Variants in ANG observed in about 807,000 individuals in gnomAD.
The protein encoded by ANG is Homo sapiens epididymis luminal protein 168.
For synonymous variants in ANG, 74 were observed against 73.8 expected, an observed-to-expected ratio of 1.00 and a Z score of -0.02; for missense variants, 178 against 187.4, an observed-to-expected ratio of 0.95 and a Z score of 0.29.
At chr14:20,689,792 T>G (rs1461762044) in intron 1 of ANG, among the ~76,000 whole-genome samples, 1 of 151,526 alleles carries the variant, frequency 6.6e-6, no homozygotes, top group Non-Finnish European at 1.5e-5. Context: ...GGTGGCCGCC[T>G]GTAATCCCAG....
At chr14:20,689,915 C>CAA (rs58958050) in intron 1 of ANG, among the ~76,000 whole-genome samples, 1,838 of 121,504 alleles carry the variant, frequency 0.015, 21 homozygotes, top group South Asian at 0.058. Flanking sequence ...GACTCTGTCT[C>CAA]AAAAAAAAAA....
upstream of ANG, among the ~76,000 whole-genome samples, chr14:20,686,847 C>T (rs563697133): frequency 6.6e-6 from 1 of 152,266 alleles, no homozygotes; most frequent in Non-Finnish European, 1.5e-5. Flanking sequence ...CCATTCTTCC[C>T]ATCATCTAAT....
chr14:20,691,887 C>G (rs1412071683), intron 1 of ANG, among the ~76,000 whole-genome samples: 4 of 152,326 alleles, frequency 2.6e-5, no homozygotes, highest in African/African-American at 9.6e-5. Flanking sequence ...CTGTGTCTTT[C>G]TAGATCCACA....
At chr14:20,685,932 C>T (rs779232961), upstream of ANG, among the ~76,000 whole-genome samples, 2 of 151,408 alleles carry the variant, frequency 1.3e-5, no homozygotes, top group Non-Finnish European at 2.9e-5. Flanking sequence ...CCCAGCTACT[C>T]GGGAGGCTGA....
intron 1 of ANG, among the ~76,000 whole-genome samples, chr14:20,692,605 ACT>A (rs2139018373): frequency 6.6e-6 from 1 of 152,308 alleles, no homozygotes; most frequent in East Asian, 1.9e-4. Context: ...TGAGAATCTA[ACT>A]AATGCTTGAT....
chr14:20,689,095 G>C (rs1348562459), intron 1 of ANG, among the ~76,000 whole-genome samples: 1 of 152,120 alleles, frequency 6.6e-6, no homozygotes, highest in Non-Finnish European at 1.5e-5. Context: ...AGTTTAGGAG[G>C]GATTTCTAAA....
intron 1 of ANG, among the ~76,000 whole-genome samples, chr14:20,691,127 C>G (rs968453713): frequency 6.6e-6 from 1 of 152,180 alleles, no homozygotes; most frequent in South Asian, 2.1e-4. Flanking sequence ...CAGCAATATC[C>G]CCACAAGTTA....
upstream of ANG, chr14:20,688,666 A>G (rs1014714044): frequency 6.1e-6 from 6 of 984,878 alleles, no homozygotes; most frequent in African/African-American, 7.0e-5. Context: ...GAAAAGGTGA[A>G]TGACCCTCCT....
At chr14:20,687,292 C>T (rs768214158), upstream of ANG, among the ~76,000 whole-genome samples, 3 of 152,154 alleles carry the variant, frequency 2.0e-5, no homozygotes, top group East Asian at 1.9e-4. Flanking sequence ...TGTCTTTTTG[C>T]ATTGTGGGCA....
intron 1 of ANG, 84 bp downstream of exon 1, chr14:20,688,958 TC>T: frequency 1.5e-6 from 1 of 672,900 alleles, no homozygotes; most frequent in Non-Finnish European, 1.8e-6. Context: ...CTTTAAAGCC[TC>T]CAGGCTCAAG....
upstream of ANG, among the ~76,000 whole-genome samples, chr14:20,685,943 G>A (rs971283464): frequency 6.6e-6 from 1 of 151,718 alleles, no homozygotes; most frequent in Non-Finnish European, 1.5e-5. Context: ...GGGAGGCTGA[G>A]ACAGGAGACT....
At chr14:20,686,902 TGAA>T (rs1184149098), upstream of ANG, among the ~76,000 whole-genome samples, 1 of 152,212 alleles carries the variant, frequency 6.6e-6, no homozygotes, top group Non-Finnish European at 1.5e-5. Context: ...ATACTCTGTA[TGAA>T]GGAGGAAAGT....
Position 20,693,902 on chromosome 14 carries a change from G to A in ANG, c.338G>A (p.Trp113Ter), listed in dbSNP as rs1555346395. Residue 113 changes from tryptophan to a stop codon, truncating the protein, a stop_gained, in exon 2 of 2, where the codon TGG (tryptophan) becomes TAG (stop). Transcript: ENST00000397990. LOFTEE classifies it low-confidence loss of function (END_TRUNC). Reference protein sequence around the residue: ...TTCKLHGGSPWPPCQYRATAG... With the variant: ...TTCKLHGGSP ...TGCAAGCTACATGGAGGTTCCCCCT[G>A]GCCTCCATGCCAGTACCGAGCCACA... 2 of 1,614,134 alleles carry A rather than the reference G, an allele frequency of 1.2e-6. No individual in the cohort carries two copies. The highest frequency in any genetic ancestry group is 1.7e-6 in the Non-Finnish European group (2 of 1,180,018).
Position 20,693,712 on chromosome 14 carries a change from T to C in ANG, c.148T>C (p.Cys50Arg). The stretch of plus-strand genomic sequence containing the variant: ...ACCACAGGGCCGGGATGACAGATAC[T>C]GTGAAAGCATCATGAGGAGACGGGG... Reference protein sequence around the residue: ...AKPQGRDDRYCESIMRRRGLT... With the variant: ...AKPQGRDDRYRESIMRRRGLT... The change falls in exon 2 of 2, where the codon TGT (cysteine) becomes CGT (arginine). Residue 50 changes from cysteine to arginine, a missense_variant. Coordinates refer to ENST00000397990, the MANE Select transcript of ANG (RefSeq NM_001097577.3). The C allele has an allele frequency of 6.2e-7, 1 of 1,614,154 alleles. No homozygotes were observed. The highest frequency in any genetic ancestry group is 1.7e-5 in the Admixed American group (1 of 60,030).
At chr14:20,687,044 T>A (rs924971619), upstream of ANG, among the ~76,000 whole-genome samples, 1 of 152,226 alleles carries the variant, frequency 6.6e-6, no homozygotes, top group Non-Finnish European at 1.5e-5. Flanking sequence ...GTTAAAGCTG[T>A]CTGAACATTT....
At chr14:20,690,164 G>T (rs1391144123) in intron 1 of ANG, among the ~76,000 whole-genome samples, 5 of 133,528 alleles carry the variant, frequency 3.7e-5, no homozygotes, top group South Asian at 4.8e-4. Flanking sequence ...GCAGTGAGCC[G>T]AGATTGCGCC....
intron 1 of ANG, among the ~76,000 whole-genome samples, chr14:20,692,774 T>C (rs185822164): frequency 3.9e-5 from 6 of 152,298 alleles, no homozygotes. Context: ...TACTATCTCA[T>C]CTCAGTACAT....
chr14:20,685,218 G>C (rs562550675), upstream of ANG, among the ~76,000 whole-genome samples: 2 of 152,256 alleles, frequency 1.3e-5, no homozygotes, highest in South Asian at 4.1e-4. Flanking sequence ...CCCTCAGCCA[G>C]TGTTGTGCAA....
At chr14:20,688,220 G>C (rs1886516272), upstream of ANG, among the ~76,000 whole-genome samples, 1 of 152,004 alleles carries the variant, frequency 6.6e-6, no homozygotes, top group Non-Finnish European at 1.5e-5. Context: ...TGAGTGTAGG[G>C]GGAGGGGCAG....
Sources: gnomAD v4.1 joint callset for allele counts (sites outside exome capture counted in the v4.1 genomes callset) on GRCh38, gnomAD v4.1.1 for gene constraint, MANE v1.5 for transcripts, NCBI Gene and HGNC (gene_info 2026-07-23, HGNC 2026-07-21) for gene names.